COPRS: variants seen among roughly 807,000 people sequenced by gnomAD.
COPRS encodes cooperator of PRMT5.
COPRS carries 11 observed loss-of-function variants against 19.9 expected under a neutral mutation model. The observed-to-expected ratio is 0.55, with a 90% CI of 0.35 to 0.92. The LOEUF (loss-of-function observed/expected upper bound fraction) is 0.92. Ranked by LOEUF, COPRS falls within the 40% of genes least tolerant of loss-of-function variation. The pLI, the probability that COPRS is intolerant of heterozygous loss-of-function variation, is 0.01. For synonymous variants in COPRS, 81 were observed against 82.7 expected, an observed-to-expected ratio of 0.98 and a Z score of 0.11; for missense variants, 225 against 229.9, an observed-to-expected ratio of 0.98 and a Z score of 0.14.
rs1293332599 is a variant in COPRS, at chr17:31,852,820, T to C, written c.377A>G (p.Asn126Ser). The C allele has an allele frequency of 1.2e-6, 2 of 1,612,590 alleles. No individual in the cohort carries two copies. The highest frequency in any genetic ancestry group is 1.1e-5 in the South Asian group (1 of 91,034). ...WDSELKADQG[N>S]PYDADDIQES... The stretch of plus-strand genomic sequence containing the variant: ...AGAGACTCCACACCTACCATATGGA[T>C]TCCCTTGATCTGCTTTCAACTCCGA... Residue 126 changes from asparagine to serine, a missense_variant, in exon 3 of 4, where the codon AAT (asparagine) becomes AGT (serine). Physicochemically the swap from Asn to Ser is conservative, Grantham distance 46. Coordinates refer to ENST00000302362, the MANE Select transcript of COPRS (RefSeq NM_018405.4).
rs890997752 is a variant in COPRS, at chr17:31,856,932, C to A, written c.100-67G>T. The A allele has an allele frequency of 8.6e-6, 8 of 931,514 alleles. No individual in the cohort carries two copies. The African/African-American group carries it at 1.1e-4, about 13-fold the overall frequency. 57.7% of individuals were successfully genotyped at this position (931,514 alleles called of 1,614,324 possible). On this transcript the variant is annotated intron_variant, in intron 1 of 3. Coordinates refer to ENST00000302362, the MANE Select transcript of COPRS (RefSeq NM_018405.4). ...GGGTATGCCCAGTATTCAGCTATTG[C>A]ATCTCAACCCCACCCACTCTTCCAT...
chr17:31,858,815 T>A (rs1909438931), intron 1 of COPRS: 15 of 1,549,862 alleles, frequency 9.7e-6, no homozygotes, highest in Non-Finnish European at 1.3e-5. Flanking sequence ...CAGCGTCACC[T>A]CCCATTTACC....
intron 3 of COPRS, 39 bp from the exon 4 acceptor site, chr17:31,852,347 G>A (rs780949488): frequency 6.5e-7 from 1 of 1,544,344 alleles, no homozygotes; most frequent in African/African-American, 1.4e-5. Flanking sequence ...GGGAAGGAAG[G>A]AGGGAAGGAA....
chr17:31,856,075 C>G (rs1909341560), intron 2 of COPRS, among the ~76,000 whole-genome samples: 1 of 151,176 alleles, frequency 6.6e-6, no homozygotes, highest in Admixed American at 6.6e-5. Context: ...CGTGGGCTCA[C>G]AGTAATCCCA....
chr17:31,859,042 G>A, intron 1 of COPRS, 59 bp downstream of exon 1: 1 of 1,162,876 alleles, frequency 8.6e-7, no homozygotes, highest in Non-Finnish European at 1.1e-6. Flanking sequence ...GCCCGGCCCC[G>A]CGACTTCCCG....
At position 31,856,524 on chromosome 17, in the gene COPRS, T is replaced by C. The variant is rs142984460; in HGVS notation, c.166+275A>G. 1.6e-3 allele frequency: 719 copies of C among 448,756 alleles called. 10 individuals are homozygous for C. The East Asian group carries it at 0.021, about 13-fold the overall frequency. 27.8% of individuals were successfully genotyped at this position (448,756 alleles called of 1,614,324 possible). On this transcript the variant is annotated intron_variant, in intron 2 of 3. Transcript: ENST00000302362. ...ATTGGGGCGGGGGGGTCTTAGAATGTATCCCCTAGGAATAAGGTGAGACTG... is the reference window on the plus strand; with the variant it reads ...ATTGGGGCGGGGGGGTCTTAGAATGCATCCCCTAGGAATAAGGTGAGACTG...
chr17:31,852,792 C>T lies in COPRS; in HGVS notation c.385+20G>A, dbSNP rs760876518. On this transcript the variant is annotated intron_variant, in intron 3 of 3. Transcript: ENST00000302362. ...GTCTGAGAAGGCCTAGTTCAGGACC[C>T]CCAGAGACTCCACACCTACCATATG... 3 of 1,582,886 alleles carry T rather than the reference C, an allele frequency of 1.9e-6. No homozygotes were observed. The African/African-American group carries it at 4.0e-5, about 21-fold the overall frequency.
At chr17:31,856,985 C>A (rs1909377841) in intron 1 of COPRS, 120 bp from the exon 2 acceptor site, 1 of 701,158 alleles carries the variant, frequency 1.4e-6, no homozygotes, top group Non-Finnish European at 2.5e-6. Context: ...AGGGCTGGGA[C>A]TCTGCCACCC....
intron 2 of COPRS, 192 bp downstream of exon 2, chr17:31,856,607 T>A: frequency 1.5e-6 from 1 of 651,126 alleles, no homozygotes; most frequent in Non-Finnish European, 2.7e-6. Flanking sequence ...GATTTGAACA[T>A]AAGAAAAGTT....
chr17:31,852,083 G>C lies in COPRS; in HGVS notation c.*56C>G. On this transcript the variant is annotated 3_prime_UTR_variant, in exon 4 of 4. Coordinates refer to ENST00000302362, the MANE Select transcript of COPRS (RefSeq NM_018405.4). ...GATATGACTTTTCACCTCCAAGACA[G>C]GAAAAGAGATCTTGACGTGGAGGCC... 1 of 1,602,998 alleles carries C rather than the reference G, an allele frequency of 6.2e-7. No homozygotes were observed. Among genetic ancestry groups the C allele is most frequent in the Non-Finnish European group, 8.5e-7 (1 of 1,171,956 alleles).
At chr17:31,854,685 C>G (rs932418473) in intron 2 of COPRS, among the ~76,000 whole-genome samples, 6 of 152,180 alleles carry the variant, frequency 3.9e-5, no homozygotes, top group African/African-American at 1.4e-4. Context: ...TGAAAATACG[C>G]TAAGTGGAAG....
chr17:31,857,077 T>G (rs1346185073), intron 1 of COPRS, among the ~76,000 whole-genome samples: 1 of 152,174 alleles, frequency 6.6e-6, no homozygotes, highest in Non-Finnish European at 1.5e-5. Context: ...AGGCATCACC[T>G]CATGACACTT....
Position 31,852,118 on chromosome 17 carries a change from A to C in COPRS, c.*21T>G. 1 of 1,613,350 alleles carries C rather than the reference A, an allele frequency of 6.2e-7. No homozygotes were observed. Among genetic ancestry groups the C allele is most frequent in the Non-Finnish European group, 8.5e-7 (1 of 1,179,888 alleles). On this transcript the variant is annotated 3_prime_UTR_variant, in exon 4 of 4. Transcript: ENST00000302362. ...TCTTGACGTGGAGGCCCGCCCACCT[A>C]CAAGGCAGAAAGCTCCACACTCAAT...
chr17:31,859,236 G>T lies in COPRS; in HGVS notation c.-37C>A. On this transcript the variant is annotated 5_prime_UTR_variant, in exon 1 of 4. Coordinates refer to ENST00000302362, the MANE Select transcript of COPRS (RefSeq NM_018405.4). ...CGCGGCTGGTCGCCCTGGACGCCGT[G>T]GGCCACGTGACGCGCCGGCCCGGCT... The T allele has an allele frequency of 2.1e-6, 2 of 949,812 alleles. No homozygotes were observed. Among genetic ancestry groups the T allele is most frequent in the Non-Finnish European group, 2.6e-6 (2 of 780,570 alleles). The allele number at this position is 949,812 out of a possible 1,614,324, so 58.8% of individuals were successfully genotyped here. A position where few individuals can be genotyped will look rare whatever the true frequency, so the allele number is the denominator to read the frequency against.
chr17:31,859,041 C>T, intron 1 of COPRS, 60 bp downstream of exon 1: 1 of 1,165,300 alleles, frequency 8.6e-7, no homozygotes, highest in Non-Finnish European at 1.1e-6. Context: ...AGCCCGGCCC[C>T]GCGACTTCCC....
At chr17:31,857,261 T>A (rs905571196) in intron 1 of COPRS, among the ~76,000 whole-genome samples, 1 of 152,180 alleles carries the variant, frequency 6.6e-6, no homozygotes, top group African/African-American at 2.4e-5. Context: ...GCCTTCTCCT[T>A]AAAGGTTGGA....
At position 31,856,602 on chromosome 17, in the gene COPRS, G is replaced by C. The variant is rs780188962; in HGVS notation, c.166+197C>G. 7.7e-6 allele frequency: 5 copies of C among 646,938 alleles called. No individual in the cohort carries two copies. In the African/African-American group the frequency reaches 9.3e-5, roughly 12 times the overall value. The allele number at this position is 646,938 out of a possible 1,614,324, so 40.1% of individuals were successfully genotyped here. On this transcript the variant is annotated intron_variant, in intron 2 of 3. Coordinates refer to ENST00000302362, the MANE Select transcript of COPRS (RefSeq NM_018405.4). ...TTTCTCTCGGTAGAAGGATGGATTT[G>C]AACATAAGAAAAGTTCAGGACTTCC...
intron 3 of COPRS, 77 bp from the exon 4 acceptor site, chr17:31,852,385 G>T: frequency 9.0e-7 from 1 of 1,112,554 alleles, no homozygotes. Flanking sequence ...AGCCAAAAAG[G>T]TATGTCTAGG....
At position 31,852,149 on chromosome 17, in the gene COPRS, G is replaced by A; in HGVS notation, c.545C>T (p.Ala182Val). ...MVFETGQFDD[A>V]ED is the part of the protein sequence containing the mutation. ...CAGAAAGCTCCACACTCAATCTTCA[G>A]CATCGTCAAACTGTCCTGTTTCAAA... The change falls in exon 4 of 4, where the codon GCT (alanine) becomes GTT (valine). Residue 182 changes from alanine (A) to valine (V), a missense_variant. By Grantham distance (64) the Ala-to-Val change is moderately conservative. Transcript: ENST00000302362. 6.2e-7 allele frequency: 1 copy of A among 1,614,076 alleles called. No individual in the cohort carries two copies. The highest frequency in any genetic ancestry group is 8.5e-7 in the Non-Finnish European group (1 of 1,180,012).
Sources: gnomAD v4.1 joint callset for allele counts (sites outside exome capture counted in the v4.1 genomes callset) on GRCh38, gnomAD v4.1.1 for gene constraint, MANE v1.5 for transcripts, NCBI Gene and HGNC (gene_info 2026-07-23, HGNC 2026-07-21) for gene names.